The following RARB variants were observed in gnomAD, a reference collection of about 807,000 sequenced individuals.
The protein encoded by RARB is retinoic acid receptor beta, also known as HBV-activated protein.
A neutral mutation model predicts 51.9 loss-of-function variants in RARB; 17 were observed. The observed-to-expected ratio is 0.33, with a 90% CI of 0.22 to 0.49. The LOEUF is 0.49. Among genes scored for constraint, RARB ranks in the 20% least tolerant of loss-of-function variants. The pLI is 0.99. For missense variants in RARB, 369 were observed against 550.8 expected (o/e 0.67, Z 3.30); for synonymous variants, 215 against 195.4 (o/e 1.10, Z -0.84).
intron 2 of RARB, among the ~76,000 whole-genome samples, chr3:25,044,814 C>A (rs904817264): frequency 7.2e-5 from 11 of 152,158 alleles, no homozygotes; most frequent in Admixed American, 4.6e-4. Flanking sequence ...GATAAAATAG[C>A]CAACTGACTA....
At chr3:25,008,495 T>A (rs994621908) in intron 2 of RARB, among the ~76,000 whole-genome samples, 1 of 152,084 alleles carries the variant, frequency 6.6e-6, no homozygotes. Context: ...ACCTTATCCT[T>A]TCAGCCTCCC....
chr3:24,891,343 G>T (rs142183561), intron 2 of RARB, among the ~76,000 whole-genome samples: 2 of 152,110 alleles, frequency 1.3e-5, no homozygotes, highest in African/African-American at 2.4e-5. Flanking sequence ...TTGGAAGCTT[G>T]TCTGTTCTGC....
intron 5 of RARB, among the ~76,000 whole-genome samples, chr3:25,372,266 T>C (rs956952436): frequency 3.3e-5 from 5 of 152,194 alleles, no homozygotes; most frequent in African/African-American, 9.7e-5. Flanking sequence ...GCCTGTCCTA[T>C]GTATTGTAGG....
chr3:25,371,011 C>G (rs1706282748), intron 5 of RARB, among the ~76,000 whole-genome samples: 1 of 152,174 alleles, frequency 6.6e-6, no homozygotes, highest in South Asian at 2.1e-4. Context: ...CTCTGTGGGT[C>G]TCTCATAAAA....
At chr3:25,447,675 C>A (rs2125537689) in intron 1 of RARB, among the ~76,000 whole-genome samples, 1 of 152,202 alleles carries the variant, frequency 6.6e-6, no homozygotes, top group Admixed American at 6.5e-5. Context: ...TCTGAGGGGG[C>A]TAGGCAGCCT....
At chr3:24,910,219 A>T (rs1694962613) in intron 2 of RARB, among the ~76,000 whole-genome samples, 1 of 152,178 alleles carries the variant, frequency 6.6e-6, no homozygotes, top group African/African-American at 2.4e-5. Context: ...TCCTAAGCCT[A>T]GAAACTTAGG....
chr3:25,053,697 T>C (rs917474164), intron 2 of RARB, among the ~76,000 whole-genome samples: 3 of 152,184 alleles, frequency 2.0e-5, no homozygotes, highest in African/African-American at 7.2e-5. Context: ...GGAGTTCTGA[T>C]AGGTTAGTGC....
intron 3 of RARB, among the ~76,000 whole-genome samples, chr3:25,130,241 C>A (rs1485631709): frequency 6.6e-6 from 1 of 152,060 alleles, no homozygotes; most frequent in African/African-American, 2.4e-5. Flanking sequence ...ACATGGTTTT[C>A]ACTGTCTTGG....
At position 25,105,259 on chromosome 3, in the gene RARB, T is replaced by A. The variant is rs56710119; in HGVS notation, c.-327-26902T>A. On this transcript the variant is annotated intron_variant, in intron 3 of 11. Transcript: ENST00000383772. Reference sequence around the variant, plus strand: ...CACTGGACTTTTTTCCTCCCCTACCTAATGAGCTTTAGGATGTGCATTCAG... The same window carrying A: ...CACTGGACTTTTTTCCTCCCCTACCAAATGAGCTTTAGGATGTGCATTCAG... Among the ~76,000 whole-genome samples the A allele has an allele frequency of 4.6e-3, 694 of 152,158 alleles. 4 individuals are homozygous for A. The highest frequency in any genetic ancestry group is 0.015 in the African/African-American group (610 of 41,510).
chr3:25,086,865 G>T lies in RARB; in HGVS notation c.-328+26689G>T, dbSNP rs188611791. 6.6e-5 allele frequency among the ~76,000 whole-genome samples: 10 copies of T among 152,208 alleles called. No individual in the cohort carries two copies. In the East Asian group the frequency reaches 7.7e-4, roughly 12 times the overall value. On this transcript the variant is annotated intron_variant, in intron 3 of 11. Transcript: ENST00000383772. The stretch of plus-strand genomic sequence containing the variant: ...TTCTTATTATGCAGATAAAGCCTCC[G>T]CATAGCCTGCTTCAGAGAGAATAGA...
intron 5 of RARB, among the ~76,000 whole-genome samples, chr3:25,239,011 G>A (rs1559518578): frequency 2.0e-5 from 3 of 152,090 alleles, no homozygotes; most frequent in Non-Finnish European, 4.4e-5. Flanking sequence ...AACTGGGGTA[G>A]GATGATAGCT....
chr3:24,951,432 C>T (rs1431389708), intron 2 of RARB, among the ~76,000 whole-genome samples: 1 of 152,110 alleles, frequency 6.6e-6, no homozygotes, highest in Non-Finnish European at 1.5e-5. Context: ...TCGGACACTC[C>T]AGAGGAAGAG....
intron 5 of RARB, among the ~76,000 whole-genome samples, chr3:25,382,565 GT>G (rs2125480385): frequency 6.6e-6 from 1 of 152,296 alleles, no homozygotes; most frequent in South Asian, 2.1e-4. Context: ...CTTATGAAAT[GT>G]TTCAGGAGGC....
intron 2 of RARB, among the ~76,000 whole-genome samples, chr3:25,039,092 C>T (rs1698060901): frequency 6.6e-6 from 1 of 152,306 alleles, no homozygotes; most frequent in South Asian, 2.1e-4. Flanking sequence ...TTCTGTTTCA[C>T]TTCTCTTTCC....
chr3:25,255,549 A>C (rs1201704097), intron 5 of RARB, among the ~76,000 whole-genome samples: 5 of 152,202 alleles, frequency 3.3e-5, no homozygotes, highest in Admixed American at 6.5e-5. Flanking sequence ...TGCACACTGT[A>C]AGTGAAAAAA....
chr3:25,426,622 T>C (rs973540157), upstream of RARB, among the ~76,000 whole-genome samples: 1 of 152,250 alleles, frequency 6.6e-6, no homozygotes. Context: ...CTTCCCTGCA[T>C]TGGGCAAGGA....
intron 2 of RARB, among the ~76,000 whole-genome samples, chr3:25,488,587 G>C (rs1031925504): frequency 5.3e-5 from 8 of 152,196 alleles, no homozygotes; most frequent in African/African-American, 1.9e-4. Context: ...CCCATCTTTT[G>C]GAGTGGGTTA....
intron 5 of RARB, among the ~76,000 whole-genome samples, chr3:25,184,763 A>C (rs1484847344): frequency 3.3e-5 from 5 of 152,138 alleles, no homozygotes; most frequent in African/African-American, 1.2e-4. Flanking sequence ...ATGGTGGCTC[A>C]CACCTATACT....
intron 5 of RARB, among the ~76,000 whole-genome samples, chr3:25,175,535 C>G (rs547225511): frequency 2.0e-5 from 3 of 152,266 alleles, no homozygotes; most frequent in Admixed American, 1.3e-4. Flanking sequence ...TTCAGTCATT[C>G]CTTCTACTAC....
Sources: allele counts gnomAD v4.1 joint callset (sites outside exome capture counted in the v4.1 genomes callset), GRCh38; gene constraint gnomAD v4.1.1; transcripts MANE v1.5; gene names NCBI Gene and HGNC (gene_info 2026-07-23, HGNC 2026-07-21).